Variants in EMP2 observed in about 807,000 individuals in gnomAD.
EMP2 encodes epithelial membrane protein 2.
EMP2 carries 19 observed loss-of-function variants against 13.7 expected under a neutral mutation model. The observed-to-expected ratio is 1.38, with a 90% CI of 0.97 to 2.03. EMP2 has a LOEUF of 2.03. EMP2 is among the 30% of genes most tolerant of loss of function. The pLI, the probability that EMP2 is intolerant of heterozygous loss-of-function variation, is 0.00. For synonymous variants in EMP2, 97 were observed against 84.7 expected, an observed-to-expected ratio of 1.15 and a Z score of -0.80; for missense variants, 253 against 220.7, an observed-to-expected ratio of 1.15 and a Z score of -0.93.
At chr16:10,542,705 C>G (rs927411246) in intron 3 of EMP2, among the ~76,000 whole-genome samples, 3 of 152,130 alleles carry the variant, frequency 2.0e-5, no homozygotes, top group East Asian at 1.9e-4. Context: ...TATTTTAAAG[C>G]CTTTTCATGT....
intron 1 of EMP2, among the ~76,000 whole-genome samples, chr16:10,548,312 C>T (rs991671320): frequency 1.1e-4 from 16 of 152,134 alleles, no homozygotes; most frequent in South Asian, 2.1e-4. Context: ...CATTTTCTGA[C>T]GATTCCTGAT....
chr16:10,533,055 G>A lies in EMP2; in HGVS notation c.354C>T (p.Asp118=). The change falls in exon 5 of 5, where the codon GAC becomes GAT. Residue 118 remains aspartate (D), a synonymous_variant. Transcript: ENST00000359543. ...CVMIAASIYT[D]RREDIHDKNA... is the part of the protein sequence containing the mutation. ...TTTTGTCGTGAATGTCTTCACGCCTGTCTGTATAAATGGAGGCCGCAATCA... is the reference window on the plus strand; with the variant it reads ...TTTTGTCGTGAATGTCTTCACGCCTATCTGTATAAATGGAGGCCGCAATCA... The A allele has an allele frequency of 6.2e-7, 1 of 1,607,064 alleles. No homozygotes were observed. Among genetic ancestry groups the A allele is most frequent in the Non-Finnish European group, 8.5e-7 (1 of 1,176,822 alleles).
chr16:10,542,336 T>C (rs1303495426), intron 3 of EMP2, among the ~76,000 whole-genome samples: 2 of 152,092 alleles, frequency 1.3e-5, no homozygotes, highest in East Asian at 3.8e-4. Context: ...AGGTCAAGGC[T>C]GCAGTGAGTC....
At chr16:10,563,270 C>T (rs898824244) in intron 1 of EMP2, among the ~76,000 whole-genome samples, 5 of 152,176 alleles carry the variant, frequency 3.3e-5, no homozygotes, top group Non-Finnish European at 5.9e-5. Context: ...CAGCTCACTG[C>T]AACCTCTGTC....
intron 4 of EMP2, among the ~76,000 whole-genome samples, chr16:10,535,997 C>T (rs998040482): frequency 2.6e-5 from 4 of 152,158 alleles, no homozygotes; most frequent in Non-Finnish European, 5.9e-5. Flanking sequence ...TGGGAGTCTG[C>T]ACTTTAGAAA....
At chr16:10,571,248 T>A (rs1466336317) in intron 1 of EMP2, among the ~76,000 whole-genome samples, 4 of 89,338 alleles carry the variant, frequency 4.5e-5, no homozygotes, top group East Asian at 3.8e-4. Context: ...AGAGCAAGAC[T>A]CCGTCTCAAA....
At chr16:10,557,687 T>C (rs958464750) in intron 1 of EMP2, among the ~76,000 whole-genome samples, 3 of 152,266 alleles carry the variant, frequency 2.0e-5, no homozygotes, top group Admixed American at 6.5e-5. Flanking sequence ...ATTTGATGCA[T>C]TGTAGATACC....
intron 4 of EMP2, among the ~76,000 whole-genome samples, chr16:10,535,552 C>G (rs2050640480): frequency 1.3e-5 from 2 of 152,110 alleles, no homozygotes; most frequent in South Asian, 4.2e-4. Context: ...AACCCCATCT[C>G]TACAAAAATT....
Position 10,543,660 on chromosome 16 carries a change from C to T in EMP2, c.79G>A (p.Ala27Thr). 1 of 1,614,132 alleles carries T rather than the reference C, an allele frequency of 6.2e-7. No individual in the cohort carries two copies. Among genetic ancestry groups the T allele is most frequent in the South Asian group, 1.1e-5 (1 of 91,086 alleles). Residue 27 changes from alanine to threonine, a missense_variant and splice_region_variant, in exon 3 of 5, where the codon GCC becomes ACC. Transcript: ENST00000359543. ...ALLFIATVDN[A>T]WWVGDEFFAD... ...AAAAACTCATCTCCTACCCACCAGG[C>T]CTGTAACACAAAATGGAAATAGAGA...
chr16:10,575,270 T>C (rs1285585774), intron 1 of EMP2, among the ~76,000 whole-genome samples: 4 of 89,332 alleles, frequency 4.5e-5, no homozygotes, highest in Non-Finnish European at 9.0e-5. Flanking sequence ...TTTTTTTTTT[T>C]TGAGACAGAG....
chr16:10,569,675 A>C (rs1448084781), intron 1 of EMP2, among the ~76,000 whole-genome samples: 1 of 152,206 alleles, frequency 6.6e-6, no homozygotes, highest in Non-Finnish European at 1.5e-5. Flanking sequence ...ATCACTTGCC[A>C]AGGGACATTT....
intron 1 of EMP2, among the ~76,000 whole-genome samples, chr16:10,556,853 C>T (rs896952215): frequency 1.3e-5 from 2 of 152,228 alleles, no homozygotes; most frequent in African/African-American, 4.8e-5. Flanking sequence ...ATACGACTCT[C>T]TTTCCTCTCA....
At chr16:10,539,060 C>A (rs2050673651) in intron 3 of EMP2, among the ~76,000 whole-genome samples, 3 of 152,016 alleles carry the variant, frequency 2.0e-5, no homozygotes, top group African/African-American at 7.2e-5. Context: ...ATAGCTCCTT[C>A]CTCATCGGGC....
At chr16:10,568,780 C>CTTT (rs58406598) in intron 1 of EMP2, among the ~76,000 whole-genome samples, 4,212 of 85,100 alleles carry the variant, frequency 0.049, 452 homozygotes, top group African/African-American at 0.15. Context: ...CTAGGATTTT[C>CTTT]TTTTTTTTTT....
At chr16:10,538,468 T>G (rs1256864091) in intron 3 of EMP2, among the ~76,000 whole-genome samples, 1 of 152,132 alleles carries the variant, frequency 6.6e-6, no homozygotes, top group African/African-American at 2.4e-5. Context: ...GTCTCCATTT[T>G]AGAGAGGGAT....
Position 10,530,271 on chromosome 16 carries a change from G to T in EMP2, c.*2634C>A, listed in dbSNP as rs2050587821. 1 of 152,236 alleles carries T rather than the reference G, an allele frequency of 6.6e-6. No homozygotes were observed. The highest frequency in any genetic ancestry group is 6.5e-5 in the Admixed American group (1 of 15,272). 9.4% of individuals were successfully genotyped at this position (152,236 alleles called of 1,614,324 possible). ...CCCTGTATTTTCAGAGCCTCACACA[G>T]TGCCTGGAACATGGTAAACATTTAA... is the stretch of plus-strand genomic sequence containing the variant. On this transcript the variant is annotated 3_prime_UTR_variant, in exon 5 of 5. Transcript: ENST00000359543.
At position 10,537,804 on chromosome 16, in the gene EMP2, C is replaced by T; in HGVS notation, c.316+124G>A. On this transcript the variant is annotated intron_variant, in intron 4 of 4. Transcript: ENST00000359543. Reference sequence around the variant, plus strand: ...CACGCAAACACACACCGGCACACAGCACCGCGCGGCTGCCAATTTCTCCTT... The same window carrying T: ...CACGCAAACACACACCGGCACACAGTACCGCGCGGCTGCCAATTTCTCCTT... The T allele has an allele frequency of 4.0e-6, 5 of 1,252,730 alleles. No individual in the cohort carries two copies. The South Asian group carries it at 6.9e-5, about 17-fold the overall frequency. 77.6% of individuals were successfully genotyped at this position (1,252,730 alleles called of 1,614,324 possible). A position where few individuals can be genotyped will look rare whatever the true frequency, so the allele number is the denominator to read the frequency against.
intron 1 of EMP2, among the ~76,000 whole-genome samples, chr16:10,569,688 G>A (rs117542200): frequency 6.6e-6 from 1 of 152,160 alleles, no homozygotes; most frequent in Non-Finnish European, 1.5e-5. Flanking sequence ...GGACATTTAA[G>A]TAATACACTG....
intron 1 of EMP2, among the ~76,000 whole-genome samples, chr16:10,576,247 T>C (rs1272790499): frequency 2.0e-5 from 3 of 152,136 alleles, no homozygotes; most frequent in Admixed American, 6.5e-5. Context: ...AGAATTATCT[T>C]GTGTGCCACC....
Sources: allele counts gnomAD v4.1 joint callset (sites outside exome capture counted in the v4.1 genomes callset), GRCh38; gene constraint gnomAD v4.1.1; transcripts MANE v1.5; gene names NCBI Gene and HGNC (gene_info 2026-07-23, HGNC 2026-07-21).